The following CLMP variants were observed in gnomAD, a reference collection of about 807,000 sequenced individuals.
CLMP encodes the protein CXADR-like membrane protein.
A neutral mutation model predicts 45.2 loss-of-function variants in CLMP; 27 were observed. The observed-to-expected ratio is 0.60, with a 90% CI of 0.44 to 0.82. CLMP has a LOEUF of 0.82. Among genes scored for constraint, CLMP ranks in the 40% least tolerant of loss-of-function variants. CLMP has a pLI of 0.00. For missense variants in CLMP, 403 were observed against 448.4 expected (o/e 0.90, Z 0.91); for synonymous variants, 167 against 171.4 (o/e 0.97, Z 0.20).
chr11:123,157,520 T>G (rs1412373428), intron 1 of CLMP, among the ~76,000 whole-genome samples: 2 of 152,038 alleles, frequency 1.3e-5, no homozygotes, highest in Non-Finnish European at 2.9e-5. Context: ...GCCATTGCAC[T>G]TCAGCCTGTG....
intron 1 of CLMP, among the ~76,000 whole-genome samples, chr11:123,098,369 A>G (rs1361077201): frequency 6.6e-6 from 1 of 152,000 alleles, no homozygotes; most frequent in African/African-American, 2.4e-5. Context: ...CTGGAACTAC[A>G]GGCGCATGCC....
chr11:123,110,220 CTGAGGTGGG>C (rs1392952378), intron 1 of CLMP, among the ~76,000 whole-genome samples: 1 of 152,086 alleles, frequency 6.6e-6, no homozygotes, highest in East Asian at 1.9e-4. Flanking sequence ...CTTTGGGGGG[CTGAGGTGGG>C]CAGATCACAA....
intron 1 of CLMP, among the ~76,000 whole-genome samples, chr11:123,127,791 CT>C (rs1228211542): frequency 6.6e-6 from 1 of 152,056 alleles, no homozygotes; most frequent in Non-Finnish European, 1.5e-5. Flanking sequence ...AATTCCAGCA[CT>C]TTGGGAGGCC....
intron 1 of CLMP, among the ~76,000 whole-genome samples, chr11:123,120,043 T>A (rs564036281): frequency 4.6e-5 from 7 of 152,302 alleles, no homozygotes; most frequent in Non-Finnish European, 1.0e-4. Flanking sequence ...GGTTTTGGTA[T>A]AAGACTTTTT....
intron 2 of CLMP, among the ~76,000 whole-genome samples, chr11:123,093,699 G>C (rs1381164931): frequency 6.8e-6 from 1 of 147,106 alleles, no homozygotes; most frequent in East Asian, 1.9e-4. Context: ...GAAGTGTAGT[G>C]TTGAGACTAA....
In CLMP at chr11:123,073,626, G is replaced by T. The variant is rs1865699994; in HGVS notation, c.970C>A (p.Pro324Thr). Residue 324 changes from proline to threonine, a missense_variant, in exon 7 of 7, where the codon CCC becomes ACC. Physicochemically the swap from Pro to Thr is conservative, Grantham distance 38. Coordinates refer to ENST00000448775, the MANE Select transcript of CLMP (RefSeq NM_024769.5). ...SQRTLSTDAAPQPGLATQAYS... is the reference protein window; with the variant it reads ...SQRTLSTDAATQPGLATQAYS... ...GCCTGGGTGGCCAGCCCTGGCTGGG[G>T]TGCTGCGTCAGTTGACAGTGTCCGC... 7.4e-6 allele frequency: 12 copies of T among 1,614,238 alleles called. No homozygotes were observed. The highest frequency in any genetic ancestry group is 9.3e-6 in the Non-Finnish European group (11 of 1,180,042).
intron 2 of CLMP, among the ~76,000 whole-genome samples, chr11:123,096,214 C>T (rs1023579875): frequency 8.5e-5 from 13 of 152,196 alleles, no homozygotes; most frequent in Admixed American, 1.3e-4. Context: ...ATTAGCTGGG[C>T]GTGGTGGTGG....
At chr11:123,112,500 G>T (rs1290482877) in intron 1 of CLMP, among the ~76,000 whole-genome samples, 2 of 151,602 alleles carry the variant, frequency 1.3e-5, no homozygotes, top group Non-Finnish European at 2.9e-5. Flanking sequence ...ACCACGCTTG[G>T]CTAATTTTGT....
chr11:123,150,565 G>GA (rs1565397715), intron 1 of CLMP, among the ~76,000 whole-genome samples: 11 of 118,994 alleles, frequency 9.2e-5, no homozygotes, highest in African/African-American at 4.2e-4. Context: ...GGAAGGAAAG[G>GA]AAGGAAGGAA....
intron 1 of CLMP, among the ~76,000 whole-genome samples, chr11:123,112,921 C>A (rs1184081908): frequency 6.6e-6 from 1 of 151,936 alleles, no homozygotes; most frequent in Non-Finnish European, 1.5e-5. Context: ...CTACAGGTGC[C>A]CGCCACCACG....
chr11:123,120,764 T>C (rs1860803574), intron 1 of CLMP, among the ~76,000 whole-genome samples: 3 of 152,158 alleles, frequency 2.0e-5, no homozygotes, highest in Admixed American at 2.0e-4. Flanking sequence ...GTTCCTTGCA[T>C]AGTCTTTGTT....
At chr11:123,087,646 C>A (rs1426703332) in intron 2 of CLMP, among the ~76,000 whole-genome samples, 7 of 151,728 alleles carry the variant, frequency 4.6e-5, no homozygotes, top group African/African-American at 7.3e-5. Flanking sequence ...TATGGTGAAA[C>A]CCTGTCTCTA....
At chr11:123,185,570 G>C (rs1861823439) in intron 1 of CLMP, among the ~76,000 whole-genome samples, 1 of 152,216 alleles carries the variant, frequency 6.6e-6, no homozygotes, top group African/African-American at 2.4e-5. Context: ...CCTCCCTGGG[G>C]ATGGAGCGGA....
chr11:123,105,135 C>G (rs1860523962), intron 1 of CLMP, among the ~76,000 whole-genome samples: 2 of 152,150 alleles, frequency 1.3e-5, no homozygotes, highest in South Asian at 4.1e-4. Context: ...CCTTCTGAGC[C>G]TTAGTGTTTC....
At position 123,073,762 on chromosome 11, in the gene CLMP, T is replaced by G. The variant is rs760837813; in HGVS notation, c.834A>C (p.Glu278Asp). The G allele has an allele frequency of 3.1e-5, 49 of 1,592,520 alleles. No homozygotes were observed. The highest frequency in any genetic ancestry group is 3.9e-5 in the Non-Finnish European group (46 of 1,170,044). The change falls in exon 7 of 7, where the codon GAA (glutamate) becomes GAC (aspartate). Residue 278 changes from glutamate to aspartate, a missense_variant. Glu to Asp is a conservative substitution (Grantham distance 45). Coordinates refer to ENST00000448775, the MANE Select transcript of CLMP (RefSeq NM_024769.5). ...ERPNEIREDA[E>D]APKARLVKPS... The stretch of plus-strand genomic sequence containing the variant: ...GTTTCACAAGACGGGCTTTTGGAGC[T>G]TCAGCATCTTCTCTGAAGAGAAAAA...
rs1193318852 is a variant in CLMP at position 123,170,439 on chromosome 11, C to T, written c.28+24474G>A. Reference sequence around the variant, plus strand: ...TTAAGTGTTGTGTTGCACATGAAACCTGCTTTTTTTTTTTTTTTGAAATGG... The same window carrying T: ...TTAAGTGTTGTGTTGCACATGAAACTTGCTTTTTTTTTTTTTTTGAAATGG... On this transcript the variant is annotated intron_variant, in intron 1 of 6. Transcript: ENST00000448775. Among the ~76,000 whole-genome samples the T allele has an allele frequency of 3.2e-5, 4 of 125,624 alleles. No individual in the cohort carries two copies. The East Asian group carries it at 1.1e-3, about 35-fold the overall frequency. 82.4% of individuals were successfully genotyped at this position (125,624 alleles called of 152,430 possible). A position where few individuals can be genotyped will look rare whatever the true frequency, so the allele number is the denominator to read the frequency against.
intron 5 of CLMP, among the ~76,000 whole-genome samples, chr11:123,076,880 A>G (rs1865746384): frequency 6.6e-6 from 1 of 152,142 alleles, no homozygotes; most frequent in Admixed American, 6.6e-5. Context: ...ATAATAGTGC[A>G]GGCTGGAGAT....
intron 1 of CLMP, among the ~76,000 whole-genome samples, chr11:123,156,577 T>G (rs977193783): frequency 1.3e-5 from 2 of 152,098 alleles, no homozygotes; most frequent in Admixed American, 6.6e-5. Context: ...ATGGAAGAAG[T>G]GAGGGAGAGG....
intron 1 of CLMP, among the ~76,000 whole-genome samples, chr11:123,154,002 G>A (rs1270504913): frequency 6.6e-6 from 1 of 151,888 alleles, no homozygotes; most frequent in Non-Finnish European, 1.5e-5. Flanking sequence ...TTAATTCTTA[G>A]GCTTTTCTTC....
Sources: gnomAD v4.1 joint callset for allele counts (sites outside exome capture counted in the v4.1 genomes callset) on GRCh38, gnomAD v4.1.1 for gene constraint, MANE v1.5 for transcripts, NCBI Gene and HGNC (gene_info 2026-07-23, HGNC 2026-07-21) for gene names.